VRK3: variants seen among roughly 807,000 people sequenced by gnomAD.
VRK3 encodes the protein VRK serine/threonine kinase 3.
Under a neutral mutation model 60.4 loss-of-function variants are expected in VRK3, and 50 were observed. The observed-to-expected ratio is 0.83, with a 90% CI of 0.66 to 1.05. The LOEUF is 1.05. Among genes scored for constraint, VRK3 ranks in the 50% least tolerant of loss-of-function variants. The probability of loss-of-function intolerance (pLI) is 0.00; values close to 1 mark genes in which losing one functional copy is unlikely to be tolerated. For synonymous variants in VRK3, 246 were observed against 227.8 expected, an observed-to-expected ratio of 1.08 and a Z score of -0.72; for missense variants, 549 against 585.3, an observed-to-expected ratio of 0.94 and a Z score of 0.64.
At position 50,000,869 on chromosome 19, in the gene VRK3, A is replaced by T; in HGVS notation, c.548-15T>A. ...GGTGGGTGCAGCTGTGGGGGAACAA[A>T]CAAGGGAGTGAGGTTATAACCACGC... is the stretch of plus-strand genomic sequence containing the variant. On this transcript the variant is annotated splice_polypyrimidine_tract_variant and intron_variant, in intron 5 of 14. Transcript: ENST00000316763. 6.2e-7 allele frequency: 1 copy of T among 1,612,840 alleles called. No homozygotes were observed. The highest frequency in any genetic ancestry group is 8.5e-7 in the Non-Finnish European group (1 of 1,179,432).
At chr19:50,019,365 G>A (rs1000677576) in intron 2 of VRK3, 2 of 151,166 alleles carry the variant, frequency 1.3e-5, no homozygotes, top group African/African-American at 4.9e-5. Context: ...ACCATGCCTG[G>A]CTAATTAAAA....
rs1393690530 is a variant in VRK3 at position 49,994,799 on chromosome 19, C to T, written c.870+15G>A. 3.1e-6 allele frequency: 5 copies of T among 1,608,538 alleles called. No individual in the cohort carries two copies. The Admixed American group carries it at 5.1e-5, about 16-fold the overall frequency. ...CCTCCCTGACGCGGCAGCTGAGCAA[C>T]TTCTGGGTACGCACCAGCCGGCAGG... On this transcript the variant is annotated intron_variant, in intron 9 of 14. Transcript: ENST00000316763.
intron 11 of VRK3, among the ~76,000 whole-genome samples, 194 bp downstream of exon 11, chr19:49,989,445 T>C (rs981569113): frequency 6.6e-6 from 1 of 152,128 alleles, no homozygotes; most frequent in Non-Finnish European, 1.5e-5. Flanking sequence ...AGCCTCCCAC[T>C]ATGCTTAGTG....
In VRK3 at chr19:49,995,253, G is replaced by A; in HGVS notation, c.702C>T (p.Tyr234=). ...TAGGGATGGCCAGCAGTGGGGTCGA[G>A]TACAGCTTCTTCCACTTGTTGACTG... is the stretch of plus-strand genomic sequence containing the variant. ...PLQVNKWKKL[Y]STPLLAIPTC... Residue 234 remains tyrosine (Y), a synonymous_variant, in exon 8 of 15, where the codon TAC becomes TAT. Transcript: ENST00000316763. 6.2e-7 allele frequency: 1 copy of A among 1,614,206 alleles called. No individual in the cohort carries two copies. The highest frequency in any genetic ancestry group is 8.5e-7 in the Non-Finnish European group (1 of 1,180,040).
At chr19:50,023,530 ATTT>A (rs1374014648) in intron 1 of VRK3, among the ~76,000 whole-genome samples, 1 of 152,140 alleles carries the variant, frequency 6.6e-6, no homozygotes, top group East Asian at 1.9e-4. Flanking sequence ...ACCTTGCTTT[ATTT>A]TTCTTCACAG....
At position 50,000,798 on chromosome 19, in the gene VRK3, G is replaced by C; in HGVS notation, c.604C>G (p.Leu202Val). ...DSGPQKQKFSLKLDAKDGRLF... is the reference protein window; with the variant it reads ...DSGPQKQKFSVKLDAKDGRLF... ...CCTGCAGGGTCACTTACCAGTTTGA[G>C]TGAGAACTTTTGCTTCTGTGGTCCT... Residue 202 changes from leucine (L) to valine (V), a missense_variant, in exon 6 of 15, where the codon CTC (leucine) becomes GTC (valine). Coordinates refer to ENST00000316763, the MANE Select transcript of VRK3 (RefSeq NM_016440.4). 2 of 1,613,524 alleles carry C rather than the reference G, an allele frequency of 1.2e-6. No individual in the cohort carries two copies. The highest frequency in any genetic ancestry group is 1.7e-6 in the Non-Finnish European group (2 of 1,179,778).
At chr19:49,988,283 C>T in intron 12 of VRK3, 89 bp downstream of exon 12, 1 of 1,528,324 alleles carries the variant, frequency 6.5e-7, no homozygotes, top group South Asian at 1.2e-5. Flanking sequence ...CTCCCCTTCC[C>T]TCCTGCTCCC....
chr19:50,004,609 A>T (rs2076863411), intron 5 of VRK3, among the ~76,000 whole-genome samples: 1 of 152,158 alleles, frequency 6.6e-6, no homozygotes, highest in South Asian at 2.1e-4. Context: ...CATGGGTAAG[A>T]CACAGAGAGT....
chr19:50,001,137 TC>T (rs1337462153), intron 5 of VRK3: 1 of 372,348 alleles, frequency 2.7e-6, no homozygotes, highest in African/African-American at 2.1e-5. Flanking sequence ...GCTCCCAGAA[TC>T]CCCTAAGTGA....
rs756308723 is a variant in VRK3, at chr19:49,979,135, C to T, written c.1384G>A (p.Val462Met). The change falls in exon 14 of 15, where the codon GTG becomes ATG. Residue 462 changes from valine (V) to methionine (M), a missense_variant. Coordinates refer to ENST00000316763, the MANE Select transcript of VRK3 (RefSeq NM_016440.4). Reference protein sequence around the residue: ...NLEALLQDLRVSPYDPIGLPM... With the variant: ...NLEALLQDLRMSPYDPIGLPM... ...AGGCCAATGGGGTCATATGGAGACA[C>T]ACGCAGATCCTGCAGCAAAGCTTCT... The T allele has an allele frequency of 3.1e-6, 5 of 1,613,902 alleles. No individual in the cohort carries two copies. The highest frequency in any genetic ancestry group is 4.2e-6 in the Non-Finnish European group (5 of 1,179,868).
At chr19:49,990,211 C>T (rs1273839866) in intron 10 of VRK3, among the ~76,000 whole-genome samples, 1 of 152,088 alleles carries the variant, frequency 6.6e-6, no homozygotes, top group Non-Finnish European at 1.5e-5. Flanking sequence ...CCGCTGGTGG[C>T]GGTACAACCT....
chr19:49,989,169 A>C (rs928087972), intron 11 of VRK3, among the ~76,000 whole-genome samples: 4 of 152,074 alleles, frequency 2.6e-5, no homozygotes, highest in Non-Finnish European at 4.4e-5. Context: ...AAGGGATGTG[A>C]GAAAGAGGGG....
intron 7 of VRK3, chr19:49,996,941 G>C (rs2076715835): frequency 6.6e-6 from 1 of 152,044 alleles, no homozygotes; most frequent in African/African-American, 2.4e-5. Context: ...GCTAGTACTG[G>C]CTGTCTGTAA....
intron 12 of VRK3, chr19:49,987,700 C>CTTTTTTTTTTTTTTTT (rs74182083): frequency 8.9e-6 from 1 of 112,874 alleles, no homozygotes; most frequent in African/African-American, 3.7e-5. Context: ...ACACAATGAG[C>CTTTTTTTTTTTTTTTT]TTTTTTTTTT....
chr19:50,007,086 G>C (rs1310749018), intron 5 of VRK3, among the ~76,000 whole-genome samples: 1 of 152,122 alleles, frequency 6.6e-6, no homozygotes. Context: ...CTGTGTGGGA[G>C]GCCTGCCTGC....
intron 3 of VRK3, 78 bp from the exon 4 acceptor site, chr19:50,009,463 G>A: frequency 1.3e-6 from 2 of 1,550,356 alleles, no homozygotes; most frequent in South Asian, 2.4e-5. Flanking sequence ...GAGCCCTGAG[G>A]TTATACTCAG....
intron 12 of VRK3, among the ~76,000 whole-genome samples, chr19:49,982,350 TG>T (rs2076438410): frequency 6.6e-6 from 1 of 152,208 alleles, no homozygotes; most frequent in Non-Finnish European, 1.5e-5. Context: ...TTTGTGGAGA[TG>T]GGGTCTCACT....
At chr19:50,000,221 T>C (rs565999659) in intron 6 of VRK3, 1 of 153,302 alleles carries the variant, frequency 6.5e-6, no homozygotes, top group Admixed American at 6.5e-5. Context: ...GTTAGGCACC[T>C]CCTCTGTGTG....
At chr19:50,021,326 T>C (rs1356237981) in intron 1 of VRK3, among the ~76,000 whole-genome samples, 3 of 152,170 alleles carry the variant, frequency 2.0e-5, no homozygotes, top group African/African-American at 7.2e-5. Flanking sequence ...GGCAGAGCTG[T>C]GACTGCTCCT....
Sources: allele counts gnomAD v4.1 joint callset (sites outside exome capture counted in the v4.1 genomes callset), GRCh38; gene constraint gnomAD v4.1.1; transcripts MANE v1.5; gene names NCBI Gene and HGNC (gene_info 2026-07-23, HGNC 2026-07-21).